ITPR2: variants seen among roughly 807,000 people sequenced by gnomAD.
ITPR2 encodes the protein inositol 1,4,5-trisphosphate-gated calcium channel ITPR2.
In ITPR2, 207 loss-of-function variants were observed where a neutral mutation model predicts 317.1. The ratio of observed to expected loss-of-function variants is 0.65; its 90% CI spans 0.58 to 0.73. The LOEUF is 0.73. ITPR2 is among the 30% of genes least tolerant of loss of function. The pLI, the probability that ITPR2 is intolerant of heterozygous loss-of-function variation, is 0.00. For synonymous variants in ITPR2, 1,156 were observed against 1,149.1 expected (o/e 1.01, Z -0.12); for missense variants, 2,613 against 3,284.0 (o/e 0.80, Z 4.99).
intron 49 of ITPR2, among the ~76,000 whole-genome samples, chr12:26,426,725 A>G (rs970549221): frequency 5.3e-5 from 8 of 152,100 alleles, no homozygotes; most frequent in African/African-American, 1.9e-4. Flanking sequence ...GTAATAAAAT[A>G]GAGGTCAGAA....
At chr12:26,723,074 A>G (rs1330864485) in intron 4 of ITPR2, among the ~76,000 whole-genome samples, 1 of 152,086 alleles carries the variant, frequency 6.6e-6, no homozygotes, top group African/African-American at 2.4e-5. Flanking sequence ...GGGGATGCTG[A>G]CCCTACCCCC....
At chr12:26,503,137 C>T (rs1432943463) in intron 37 of ITPR2, among the ~76,000 whole-genome samples, 3 of 150,274 alleles carry the variant, frequency 2.0e-5, no homozygotes, top group Non-Finnish European at 4.4e-5. Flanking sequence ...GAGTGCATGG[C>T]TCCGAAGAGC....
At chr12:26,394,090 C>T (rs531901035) in intron 54 of ITPR2, among the ~76,000 whole-genome samples, 6 of 152,204 alleles carry the variant, frequency 3.9e-5, no homozygotes, top group South Asian at 2.1e-4. Flanking sequence ...AGTTAAGCCT[C>T]GTGCTAGAGA....
At chr12:26,605,741 G>C (rs984812991) in intron 26 of ITPR2, among the ~76,000 whole-genome samples, 1 of 152,128 alleles carries the variant, frequency 6.6e-6, no homozygotes, top group African/African-American at 2.4e-5. Context: ...TGTGGGAATT[G>C]GTGAAAAATA....
chr12:26,832,236 T>G (rs904419248), intron 1 of ITPR2, among the ~76,000 whole-genome samples: 2 of 152,190 alleles, frequency 1.3e-5, no homozygotes, highest in African/African-American at 4.8e-5. Flanking sequence ...TTGAGTTTCA[T>G]GTCCAAGGCC....
At chr12:26,567,978 TTA>T (rs1207413714) in intron 34 of ITPR2, among the ~76,000 whole-genome samples, 8,715 of 26,788 alleles carry the variant, frequency 0.33, 885 homozygotes, top group South Asian at 0.44. Context: ...ATTATATATA[TTA>T]TATATATATA....
At position 26,398,841 on chromosome 12, in the gene ITPR2, T is replaced by C. The variant is rs372773826; in HGVS notation, c.7696+35A>G. 3.5e-5 allele frequency: 54 copies of C among 1,561,320 alleles called. 2 individuals are homozygous for C. In the South Asian group the frequency reaches 6.1e-4, roughly 18 times the overall value. On this transcript the variant is annotated intron_variant, in intron 54 of 56. Coordinates refer to ENST00000381340, the MANE Select transcript of ITPR2 (RefSeq NM_002223.4). ...GCCCCTCTTTCCTGCAAACAGTCTA[T>C]TCATCTATTATTTTAGCATCTGCCG...
At chr12:26,453,510 T>C (rs1374542052) in intron 45 of ITPR2, among the ~76,000 whole-genome samples, 3 of 152,216 alleles carry the variant, frequency 2.0e-5, no homozygotes, top group Non-Finnish European at 4.4e-5. Context: ...ACATAGAAAC[T>C]GATTTCTGGG....
chr12:26,695,752 T>A (rs1948333065), intron 9 of ITPR2, 102 bp from the exon 10 acceptor site: 2 of 733,188 alleles, frequency 2.7e-6, no homozygotes, highest in Non-Finnish European at 4.7e-6. Flanking sequence ...CAACTAAGTT[T>A]AATATAAAAA....
chr12:26,770,629 TA>T (rs1949823242), intron 2 of ITPR2, among the ~76,000 whole-genome samples: 1 of 152,220 alleles, frequency 6.6e-6, no homozygotes, highest in South Asian at 2.1e-4. Flanking sequence ...TCCTCATCTA[TA>T]AAATGAGATA....
chr12:26,367,780 G>T (rs1939055044), intron 55 of ITPR2, among the ~76,000 whole-genome samples: 1 of 152,158 alleles, frequency 6.6e-6, no homozygotes, highest in African/African-American at 2.4e-5. Flanking sequence ...TTGTATTCAT[G>T]TGTATTAGCC....
Position 26,710,849 on chromosome 12 carries a change from G to A in ITPR2, c.951+324C>T, listed in dbSNP as rs181896715. Among the ~76,000 whole-genome samples the A allele has an allele frequency of 5.9e-5, 9 of 152,226 alleles. No individual in the cohort carries two copies. In the East Asian group the frequency reaches 9.7e-4, roughly 16 times the overall value. ...AATGAACTGATCATATCTATGATGCGGACATTCTGAAAGGGTGAAGCTAAA... is the reference window on the plus strand; with the variant it reads ...AATGAACTGATCATATCTATGATGCAGACATTCTGAAAGGGTGAAGCTAAA... On this transcript the variant is annotated intron_variant, in intron 9 of 56. Coordinates refer to ENST00000381340, the MANE Select transcript of ITPR2 (RefSeq NM_002223.4).
At chr12:26,439,417 ATTCAGTTGTG>A in intron 46 of ITPR2, 98 bp from the exon 47 acceptor site, 1 of 856,358 alleles carries the variant, frequency 1.2e-6, no homozygotes, top group Admixed American at 3.1e-5. Flanking sequence ...TGTTTTATGA[ATTCAGTTGTG>A]AAAAAATGTG....
intron 13 of ITPR2, among the ~76,000 whole-genome samples, chr12:26,673,159 A>G (rs932634666): frequency 3.3e-5 from 5 of 152,224 alleles, no homozygotes; most frequent in Non-Finnish European, 7.3e-5. Flanking sequence ...ATTCCAATCA[A>G]TAGAAAAAGA....
chr12:26,560,286 T>C (rs1034031382), intron 35 of ITPR2, among the ~76,000 whole-genome samples: 6 of 152,156 alleles, frequency 3.9e-5, no homozygotes, highest in Non-Finnish European at 5.9e-5. Flanking sequence ...TAGCCTCTCA[T>C]AGGGCGTTCT....
intron 54 of ITPR2, among the ~76,000 whole-genome samples, chr12:26,392,083 C>T (rs936384567): frequency 3.9e-5 from 6 of 152,152 alleles, no homozygotes; most frequent in African/African-American, 1.4e-4. Context: ...CACGGTTTTA[C>T]CATCATCTTG....
At chr12:26,729,122 TAAAC>T (rs1483838581) in intron 2 of ITPR2, among the ~76,000 whole-genome samples, 3 of 151,784 alleles carry the variant, frequency 2.0e-5, no homozygotes, top group African/African-American at 7.3e-5. Context: ...AAGTAAAAAA[TAAAC>T]AACCCCATTA....
intron 1 of ITPR2, among the ~76,000 whole-genome samples, chr12:26,800,315 A>G (rs972666230): frequency 2.0e-5 from 3 of 152,258 alleles, no homozygotes; most frequent in Non-Finnish European, 4.4e-5. Flanking sequence ...AAAATTACTA[A>G]TAACACAAGG....
intron 13 of ITPR2, among the ~76,000 whole-genome samples, chr12:26,675,254 TTATTGCGGCAC>T (rs1947880496): frequency 6.6e-6 from 1 of 152,226 alleles, no homozygotes; most frequent in East Asian, 1.9e-4. Flanking sequence ...ACATGCATGT[TTATTGCGGCAC>T]TATTCACAAT....
Sources: gnomAD v4.1 joint callset for allele counts (sites outside exome capture counted in the v4.1 genomes callset) on GRCh38, gnomAD v4.1.1 for gene constraint, MANE v1.5 for transcripts, NCBI Gene and HGNC (gene_info 2026-07-23, HGNC 2026-07-21) for gene names.